The following FLII variants were observed in gnomAD, a reference collection of about 807,000 sequenced individuals.
The protein encoded by FLII is FLII actin remodeling protein, also known as protein flightless-1 homolog.
FLII carries 101 observed loss-of-function variants against 156.2 expected under a neutral mutation model. The ratio of observed to expected loss-of-function variants is 0.65; its 90% CI spans 0.55 to 0.76. FLII has a LOEUF of 0.76. Ranked by LOEUF, FLII falls within the 30% of genes least tolerant of loss-of-function variation. FLII has a pLI of 0.00. For missense variants in FLII, 1,675 were observed against 1,682.8 expected (o/e 1.00, Z 0.08); for synonymous variants, 767 against 685.8 (o/e 1.12, Z -1.85).
In FLII at chr17:18,245,627, A is replaced by G; in HGVS notation, c.3537T>C (p.Thr1179=). The G allele has an allele frequency of 2.5e-6, 4 of 1,613,834 alleles. No homozygotes were observed. Among genetic ancestry groups the G allele is most frequent in the Non-Finnish European group, 3.4e-6 (4 of 1,179,984 alleles). The part of the protein sequence containing the change: ...CSNEKGYFAV[T]EKCSDFCQDD... ...CTTGGCAAAAGTCGGAGCATTTCTC[A>G]GTCACTGCAAAGTAGCCCTTCTCGT... The change falls in exon 28 of 30, where the codon ACT becomes ACC. Residue 1179 remains threonine (T), a synonymous_variant. Coordinates refer to ENST00000327031, the MANE Select transcript of FLII (RefSeq NM_002018.4).
rs758507923 is a variant in FLII, at chr17:18,249,417, G to T, written c.1777-9C>A. ...ATGTCGTTGTCAAACACCTGTGTGT[G>T]TGAGGGTGTGGTTCTTCATCACTGA... On this transcript the variant is annotated splice_polypyrimidine_tract_variant and intron_variant, in intron 14 of 29. Coordinates refer to ENST00000327031, the MANE Select transcript of FLII (RefSeq NM_002018.4). 1.9e-6 allele frequency: 3 copies of T among 1,612,274 alleles called. No individual in the cohort carries two copies. The highest frequency in any genetic ancestry group is 8.5e-7 in the Non-Finnish European group (1 of 1,178,648).
intron 21 of FLII, 38 bp downstream of exon 21, chr17:18,247,130 AC>A (rs745534381): frequency 0.14 from 124,835 of 889,968 alleles, 230 homozygotes; most frequent in East Asian, 0.25. Flanking sequence ...CCTGCCCCCC[AC>A]CCCCCCCCCC....
chr17:18,253,679 CT>C lies in FLII; in HGVS notation c.719del (p.Glu240GlyfsTer26). 6.2e-7 allele frequency: 1 copy of C among 1,613,544 alleles called. No homozygotes were observed. The highest frequency in any genetic ancestry group is 8.5e-7 in the Non-Finnish European group (1 of 1,179,974). ...LSCNDLTRVP[E>X]CLYTLPSLRR... ...GCAGGCTGGGGAGGGTGTACAGACACTCGGGCACCCGTGTCAGGTCATTGCA... is the reference window on the plus strand; with the variant it reads ...GCAGGCTGGGGAGGGTGTACAGACACCGGGCACCCGTGTCAGGTCATTGCA... On this transcript the variant is annotated frameshift_variant, in exon 8 of 30. Coordinates refer to ENST00000327031, the MANE Select transcript of FLII (RefSeq NM_002018.4). LOFTEE classifies it high-confidence loss of function.
At chr17:18,255,138 A>G in intron 4 of FLII, 45 bp downstream of exon 4, 1 of 1,442,756 alleles carries the variant, frequency 6.9e-7, no homozygotes, top group Non-Finnish European at 9.8e-7. Flanking sequence ...TGGGGATTGA[A>G]TGGTCCGGCT....
At chr17:18,255,853 A>G (rs2048400945) in intron 3 of FLII, among the ~76,000 whole-genome samples, 1 of 152,024 alleles carries the variant, frequency 6.6e-6, no homozygotes, top group South Asian at 2.1e-4. Context: ...CCTCCCAACC[A>G]CTGCACTTGC....
In FLII at chr17:18,245,078, C is replaced by G; in HGVS notation, c.*60G>C. The G allele has an allele frequency of 6.4e-7, 1 of 1,552,840 alleles. No homozygotes were observed. Among genetic ancestry groups the G allele is most frequent in the East Asian group, 2.3e-5 (1 of 44,172 alleles). ...GTCACCTGAGTACATTCTTTGCTAGCAGACAGTGGATGAGGCCCCTTCCTC... is the reference window on the plus strand; with the variant it reads ...GTCACCTGAGTACATTCTTTGCTAGGAGACAGTGGATGAGGCCCCTTCCTC... On this transcript the variant is annotated 3_prime_UTR_variant, in exon 30 of 30. Transcript: ENST00000327031.
rs2048374325 is a variant in FLII at position 18,254,992 on chromosome 17, G to T, written c.328-138C>A. Reference sequence around the variant, plus strand: ...TTCAGGGCCAAAGGGAGACAGCCAGGGACTTGGGAGGAAGAGTGCCTGTGT... The same window carrying T: ...TTCAGGGCCAAAGGGAGACAGCCAGTGACTTGGGAGGAAGAGTGCCTGTGT... On this transcript the variant is annotated intron_variant, in intron 4 of 29. Coordinates refer to ENST00000327031, the MANE Select transcript of FLII (RefSeq NM_002018.4). 20 of 963,712 alleles carry T rather than the reference G, an allele frequency of 2.1e-5. 1 individual carries two copies. The highest frequency in any genetic ancestry group is 3.4e-5 in the Non-Finnish European group (20 of 594,992). The allele number at this position is 963,712 out of a possible 1,614,324, so 59.7% of individuals were successfully genotyped here.
In FLII at chr17:18,251,303, C is replaced by T. The variant is rs751218845; in HGVS notation, c.1558G>A (p.Gly520Ser). The change falls in exon 13 of 30, where the codon GGC becomes AGC. Residue 520 changes from glycine to serine, a missense_variant. By Grantham distance (56) the Gly-to-Ser change is moderately conservative (BLOSUM62 0). This residue lies in a region of FLII where 1,332 missense variants were observed against 1,269.3 expected (regional missense o/e 1.05). Transcript: ENST00000327031. ...VPVLVEEAFH[G>S]KFYEADCYIV... ...TAGCAGTCAGCCTCGTAGAACTTGC[C>T]GTGGAAGGCTTCCTCCACCAGCACA... is the stretch of plus-strand genomic sequence containing the variant. 7.4e-6 allele frequency: 12 copies of T among 1,613,872 alleles called. No homozygotes were observed. Among genetic ancestry groups the T allele is most frequent in the African/African-American group, 1.3e-5 (1 of 74,944 alleles).
rs373052018 is a variant in FLII at position 18,253,471 on chromosome 17, C to A, written c.856-13G>T. Reference sequence around the variant, plus strand: ...TGCAAATGGCTGACTGGAGGGGGAACGGGCAGGGGTGGGAGGTCAGGGCCA... The same window carrying A: ...TGCAAATGGCTGACTGGAGGGGGAAAGGGCAGGGGTGGGAGGTCAGGGCCA... On this transcript the variant is annotated splice_polypyrimidine_tract_variant and intron_variant, in intron 8 of 29. Coordinates refer to ENST00000327031, the MANE Select transcript of FLII (RefSeq NM_002018.4). 2 of 1,613,808 alleles carry A rather than the reference C, an allele frequency of 1.2e-6. No homozygotes were observed. Among genetic ancestry groups the A allele is most frequent in the South Asian group, 1.1e-5 (1 of 91,084 alleles).
Position 18,256,961 on chromosome 17 carries a change from T to C in FLII, c.122A>G (p.Asn41Ser). ...GGGCAGGTAGCAGAGGCCAGTGCGG[T>C]TCAGCTTCAGCCACCGCAGGCTGGT... Reference protein sequence around the residue: ...AMTSLRWLKLNRTGLCYLPEE... With the variant: ...AMTSLRWLKLSRTGLCYLPEE... Residue 41 changes from asparagine (N) to serine (S), a missense_variant, in exon 2 of 30, where the codon AAC (asparagine) becomes AGC (serine). Transcript: ENST00000327031. The C allele has an allele frequency of 6.2e-7, 1 of 1,611,980 alleles. No individual in the cohort carries two copies. The highest frequency in any genetic ancestry group is 1.3e-5 in the African/African-American group (1 of 74,960).
chr17:18,256,819 C>T, intron 2 of FLII, 90 bp downstream of exon 2: 1 of 901,656 alleles, frequency 1.1e-6, no homozygotes, highest in Non-Finnish European at 1.7e-6. Context: ...CGGTGTTCCT[C>T]TCTCTGGAGA....
rs1367987619 is a variant in FLII, at chr17:18,248,870, G to T, written c.1948C>A (p.Leu650Met). The part of the protein sequence containing the change: ...TSLDPRFVFL[L>M]DRGLDIYVWR... Reference sequence around the variant, plus strand: ...ACGTAGATGTCTAGCCCTCGGTCCAGCAGGAAAACAAACCTGGACAAGAAG... The same window carrying T: ...ACGTAGATGTCTAGCCCTCGGTCCATCAGGAAAACAAACCTGGACAAGAAG... Residue 650 changes from leucine to methionine, a missense_variant, in exon 17 of 30, where the codon CTG becomes ATG. By Grantham distance (15) the Leu-to-Met change is conservative. This residue lies in a region of FLII where 1,332 missense variants were observed against 1,269.3 expected (regional missense o/e 1.05). Coordinates refer to ENST00000327031, the MANE Select transcript of FLII (RefSeq NM_002018.4). The T allele has an allele frequency of 6.8e-6, 11 of 1,613,900 alleles. No homozygotes were observed. Among genetic ancestry groups the T allele is most frequent in the Admixed American group, 6.7e-5 (4 of 60,026 alleles).
At chr17:18,250,451 T>C (rs138367045) in intron 14 of FLII, among the ~76,000 whole-genome samples, 14 of 152,160 alleles carry the variant, frequency 9.2e-5, no homozygotes, top group African/African-American at 3.4e-4. Flanking sequence ...CCCACCTCCT[T>C]GGCATCCAGG....
At chr17:18,253,878 C>T (rs1224598022) in intron 7 of FLII, 159 bp from the exon 8 acceptor site, 1 of 845,326 alleles carries the variant, frequency 1.2e-6, no homozygotes, top group Non-Finnish European at 1.8e-6. Context: ...CAAACTCCCT[C>T]ACATGGGGGT....
chr17:18,254,650 T>C lies in FLII; in HGVS notation c.446A>G (p.Asn149Ser), dbSNP rs775340844. The change falls in exon 6 of 30, where the codon AAC becomes AGC. Residue 149 changes from asparagine (N) to serine (S), a missense_variant. Asn to Ser is a conservative substitution (Grantham distance 46). Transcript: ENST00000327031. ...GTCCAGGTATAGTAGGTCAGTGAGG[T>C]TGATGAAGAGCTGGTTGGGGATGGT... ...IDTIPNQLFI[N>S]LTDLLYLDLS... 1.2e-6 allele frequency: 2 copies of C among 1,613,692 alleles called. No individual in the cohort carries two copies. Among genetic ancestry groups the C allele is most frequent in the African/African-American group, 1.3e-5 (1 of 74,822 alleles).
Position 18,258,653 on chromosome 17 carries a change from A to G in FLII, c.38T>C (p.Val13Ala). 1 of 1,551,672 alleles carries G rather than the reference A, an allele frequency of 6.4e-7. No individual in the cohort carries two copies. Among genetic ancestry groups the G allele is most frequent in the Non-Finnish European group, 8.6e-7 (1 of 1,158,828 alleles). ...CTTGAAGTCGTTGCCGCTGAGGTCC[A>G]CGCCACGCACGAACGGCAGCACCCC... Reference protein sequence around the residue: ...ATGVLPFVRGVDLSGNDFKGG... With the variant: ...ATGVLPFVRGADLSGNDFKGG... The change falls in exon 1 of 30, where the codon GTG (valine) becomes GCG (alanine). Residue 13 changes from valine (V) to alanine (A), a missense_variant. Val to Ala is a moderately conservative substitution (Grantham distance 64). Transcript: ENST00000327031. The surrounding 1 kb of genome is among the most constrained non-coding windows in gnomAD (Gnocchi z 4.2).
chr17:18,256,754 A>G, intron 2 of FLII, 155 bp downstream of exon 2: 1 of 794,872 alleles, frequency 1.3e-6, no homozygotes. Flanking sequence ...CTCTTCTTGC[A>G]CACCTCCCTG....
intron 18 of FLII, among the ~76,000 whole-genome samples, 161 bp downstream of exon 18, chr17:18,248,389 C>G (rs985866924): frequency 1.3e-5 from 2 of 152,204 alleles, no homozygotes; most frequent in African/African-American, 2.4e-5. Context: ...CAAAAGCAGC[C>G]TCCAGACCTT....
chr17:18,247,072 G>A lies in FLII; in HGVS notation c.2677-20C>T, dbSNP rs1210527420. 1 of 1,606,898 alleles carries A rather than the reference G, an allele frequency of 6.2e-7. No individual in the cohort carries two copies. The highest frequency in any genetic ancestry group is 1.1e-5 in the South Asian group (1 of 90,996). On this transcript the variant is annotated intron_variant, in intron 21 of 29. Coordinates refer to ENST00000327031, the MANE Select transcript of FLII (RefSeq NM_002018.4). The stretch of plus-strand genomic sequence containing the variant: ...CTCCGCCTGCAGGTGAGAGGGACCC[G>A]CCCCGCGGCAGGTCTGAGCGCGCTC...
Sources: gnomAD v4.1 joint callset for allele counts (sites outside exome capture counted in the v4.1 genomes callset) on GRCh38, gnomAD v4.1.1 for gene constraint, gnomAD v4.1.1 regional missense constraint, Gnocchi (gnomAD v3.1) non-coding constraint, MANE v1.5 for transcripts, NCBI Gene and HGNC (gene_info 2026-07-23, HGNC 2026-07-21) for gene names.